The following ZGRF1 variants were observed in gnomAD, a reference collection of about 807,000 sequenced individuals.
ZGRF1 encodes the protein zinc finger GRF-type containing 1.
ZGRF1 carries 196 observed loss-of-function variants against 203.5 expected under a neutral mutation model. The observed-to-expected ratio is 0.96, with a 90% CI of 0.86 to 1.08. The LOEUF (loss-of-function observed/expected upper bound fraction) is 1.08, where lower values mean the gene tolerates loss of function less well. ZGRF1 is among the 50% of genes least tolerant of loss of function. The probability of loss-of-function intolerance (pLI) is 0.00; values close to 1 mark genes in which losing one functional copy is unlikely to be tolerated. For synonymous variants in ZGRF1, 809 were observed against 841.3 expected, an observed-to-expected ratio of 0.96 and a Z score of 0.66; for missense variants, 2,326 against 2,416.3, an observed-to-expected ratio of 0.96 and a Z score of 0.78.
intron 10 of ZGRF1, among the ~76,000 whole-genome samples, chr4:112,594,978 C>T (rs977856978): frequency 3.3e-5 from 5 of 151,986 alleles, no homozygotes; most frequent in African/African-American, 4.8e-5. Context: ...CGGTGGCTCA[C>T]GCCTGTAATC....
intron 3 of ZGRF1, among the ~76,000 whole-genome samples, chr4:112,625,625 G>A (rs2149191318): frequency 6.7e-6 from 1 of 149,286 alleles, no homozygotes; most frequent in East Asian, 2.0e-4. Context: ...TGCCAGGCGT[G>A]GTGGCTCACG....
chr4:112,566,637 A>C (rs1434585019), intron 16 of ZGRF1, among the ~76,000 whole-genome samples: 1 of 152,166 alleles, frequency 6.6e-6, no homozygotes, highest in African/African-American at 2.4e-5. Context: ...TTCTGGTGTC[A>C]TCTAAGATGC....
chr4:112,602,118 G>A (rs1277569766), intron 10 of ZGRF1, among the ~76,000 whole-genome samples: 2 of 151,940 alleles, frequency 1.3e-5, no homozygotes, highest in Non-Finnish European at 2.9e-5. Context: ...CAGGAGAATC[G>A]CTTGAACCCA....
At chr4:112,600,460 G>A (rs1316401429) in intron 10 of ZGRF1, among the ~76,000 whole-genome samples, 7 of 152,152 alleles carry the variant, frequency 4.6e-5, no homozygotes, top group Admixed American at 2.6e-4. Context: ...TTGGGAGGCC[G>A]AAGCAAGCGG....
At chr4:112,585,904 T>TA (rs34893186) in intron 13 of ZGRF1, among the ~76,000 whole-genome samples, 179 bp from the exon 14 acceptor site, 5,598 of 135,188 alleles carry the variant, frequency 0.041, 192 homozygotes, top group East Asian at 0.2. Flanking sequence ...CACTTCTAGT[T>TA]AAAAAAAAAA....
intron 21 of ZGRF1, among the ~76,000 whole-genome samples, chr4:112,554,354 C>T (rs1740556286): frequency 6.6e-6 from 1 of 151,884 alleles, no homozygotes; most frequent in Admixed American, 6.6e-5. Context: ...TGGGTATATA[C>T]CCAAAGGATT....
At chr4:112,616,259 C>T (rs948613639) in intron 6 of ZGRF1, among the ~76,000 whole-genome samples, 1 of 151,996 alleles carries the variant, frequency 6.6e-6, no homozygotes, top group South Asian at 2.1e-4. Context: ...GTGGCTCATG[C>T]CTGTAATCCT....
At chr4:112,568,711 CAAAAAAAA>C (rs76531414) in intron 16 of ZGRF1, among the ~76,000 whole-genome samples, 3 of 42,854 alleles carry the variant, frequency 7.0e-5, no homozygotes, top group African/African-American at 3.0e-4. Flanking sequence ...AACTCTGTCT[CAAAAAAAA>C]AAAAAAAAAA....
intron 6 of ZGRF1, among the ~76,000 whole-genome samples, chr4:112,613,242 T>C (rs754466154): frequency 2.0e-5 from 3 of 152,010 alleles, no homozygotes; most frequent in Admixed American, 6.6e-5. Context: ...TGCAGTGAGC[T>C]AAGATCGCAC....
intron 3 of ZGRF1, among the ~76,000 whole-genome samples, chr4:112,631,499 G>A (rs781168280): frequency 1.3e-5 from 2 of 152,026 alleles, no homozygotes; most frequent in Non-Finnish European, 2.9e-5. Context: ...GTGAAACCCC[G>A]TCTCTACTAA....
chr4:112,568,946 GC>G (rs1240316810), intron 16 of ZGRF1, among the ~76,000 whole-genome samples: 1 of 152,044 alleles, frequency 6.6e-6, no homozygotes, highest in Non-Finnish European at 1.5e-5. Flanking sequence ...CATTCAGGAG[GC>G]GGAGGTTGCA....
Position 112,581,716 on chromosome 4 carries a change from G to A in ZGRF1, c.4385C>T (p.Thr1462Ile). Residue 1462 changes from threonine (T) to isoleucine (I), a missense_variant, in exon 16 of 28, where the codon ACC becomes ATC. Coordinates refer to ENST00000505019, the MANE Select transcript of ZGRF1 (RefSeq NM_018392.5). ...VNPEFYNEPKTKLYLKLSRKE... is the reference protein window; with the variant it reads ...VNPEFYNEPKIKLYLKLSRKE... ...CCGACTTAGCTTAAGATAAAGTTTGGTTTTTGGTTCATTATAAAACTCAGG... is the reference window on the plus strand; with the variant it reads ...CCGACTTAGCTTAAGATAAAGTTTGATTTTTGGTTCATTATAAAACTCAGG... 1.3e-6 allele frequency: 2 copies of A among 1,581,702 alleles called. No homozygotes were observed. The highest frequency in any genetic ancestry group is 1.7e-6 in the Non-Finnish European group (2 of 1,168,116).
At chr4:112,597,129 A>C (rs1256205738) in intron 10 of ZGRF1, among the ~76,000 whole-genome samples, 2 of 148,314 alleles carry the variant, frequency 1.3e-5, no homozygotes, top group South Asian at 4.3e-4. Flanking sequence ...CAGAATAATC[A>C]CTTGAACCCA....
chr4:112,585,491 C>T, intron 14 of ZGRF1, 50 bp downstream of exon 14: 1 of 1,483,104 alleles, frequency 6.7e-7, no homozygotes, highest in Non-Finnish European at 9.1e-7. Context: ...TATCTAAACC[C>T]TTTATAAGAC....
At chr4:112,586,675 TATTA>T in intron 12 of ZGRF1, 92 bp from the exon 13 acceptor site, 2 of 1,010,132 alleles carry the variant, frequency 2.0e-6, no homozygotes, top group Non-Finnish European at 2.7e-6. Context: ...TTTTTAAAAA[TATTA>T]ATTTTTCTTT....
chr4:112,616,909 G>C (rs2046895886), intron 6 of ZGRF1, among the ~76,000 whole-genome samples: 1 of 151,264 alleles, frequency 6.6e-6, no homozygotes, highest in African/African-American at 2.4e-5. Flanking sequence ...ATTGGAATTA[G>C]AGGTATCAAT....
intron 24 of ZGRF1, among the ~76,000 whole-genome samples, chr4:112,541,927 C>T (rs893367826): frequency 2.0e-5 from 3 of 152,182 alleles, no homozygotes; most frequent in Non-Finnish European, 1.5e-5. Flanking sequence ...GTTAACTTTC[C>T]TCACTGAGTA....
intron 10 of ZGRF1, among the ~76,000 whole-genome samples, chr4:112,600,651 G>C (rs762487794): frequency 6.6e-6 from 1 of 152,070 alleles, no homozygotes; most frequent in Non-Finnish European, 1.5e-5. Flanking sequence ...TGAGTGTTGG[G>C]AGGGAAACTG....
At chr4:112,554,998 CT>C (rs1234726157) in intron 20 of ZGRF1, among the ~76,000 whole-genome samples, 1 of 152,140 alleles carries the variant, frequency 6.6e-6, no homozygotes, top group Non-Finnish European at 1.5e-5. Context: ...ATTATTCCAT[CT>C]TGAAGGCTCA....
Sources: allele counts gnomAD v4.1 joint callset (sites outside exome capture counted in the v4.1 genomes callset), GRCh38; gene constraint gnomAD v4.1.1; transcripts MANE v1.5; gene names NCBI Gene and HGNC (gene_info 2026-07-23, HGNC 2026-07-21).